The following SPIRE1 variants were observed in gnomAD, a reference collection of about 807,000 sequenced individuals.
SPIRE1 encodes the protein protein spire homolog 1.
Under a neutral mutation model 94.1 loss-of-function variants are expected in SPIRE1, and 40 were observed. The observed-to-expected ratio is 0.43, with a 90% CI of 0.33 to 0.55. The LOEUF is 0.55. SPIRE1 is among the 20% of genes least tolerant of loss of function. The pLI is 0.06. For missense variants in SPIRE1, 838 were observed against 975.2 expected, an observed-to-expected ratio of 0.86 and a Z score of 1.87; for synonymous variants, 376 against 371.7, an observed-to-expected ratio of 1.01 and a Z score of -0.13.
chr18:12,566,229 G>A (rs867424130), intron 2 of SPIRE1, among the ~76,000 whole-genome samples: 10 of 151,916 alleles, frequency 6.6e-5, no homozygotes, highest in African/African-American at 7.3e-5. Flanking sequence ...CCAGCTACAC[G>A]GGAGGCTGAG....
intron 2 of SPIRE1, among the ~76,000 whole-genome samples, chr18:12,623,307 C>G (rs2037528649): frequency 1.3e-5 from 2 of 152,060 alleles, no homozygotes; most frequent in Admixed American, 6.5e-5. Context: ...GCGCCCGCCA[C>G]CACGCCTGGC....
Position 12,574,966 on chromosome 18 carries a change from T to C in SPIRE1, c.373-28062A>G, listed in dbSNP as rs190636030. Among the ~76,000 whole-genome samples, 358 of 152,316 alleles carry C rather than the reference T, an allele frequency of 2.4e-3. 3 individuals are homozygous for C. The highest frequency in any genetic ancestry group is 0.014 in the South Asian group (67 of 4,824). On this transcript the variant is annotated intron_variant, in intron 2 of 16. Transcript: ENST00000409402. ...ACTGGATTCAGTAAGGTGGAGGTCA[T>C]TGGAGACTTTGGCAAGGGCAATCTG...
chr18:12,517,514 T>C (rs1016062925), intron 4 of SPIRE1, among the ~76,000 whole-genome samples: 3 of 152,256 alleles, frequency 2.0e-5, no homozygotes, highest in Non-Finnish European at 2.9e-5. Flanking sequence ...CTGTCAATTA[T>C]ACTTTAGCTT....
intron 2 of SPIRE1, among the ~76,000 whole-genome samples, chr18:12,554,364 C>T (rs1208126180): frequency 2.7e-5 from 4 of 147,008 alleles, no homozygotes; most frequent in African/African-American, 5.0e-5. Context: ...CTACTATGAA[C>T]AACTACATCC....
At chr18:12,633,776 C>A (rs1463100492) in intron 2 of SPIRE1, among the ~76,000 whole-genome samples, 1 of 152,054 alleles carries the variant, frequency 6.6e-6, no homozygotes. Context: ...TTTATTTGGG[C>A]ATTGCCACTA....
chr18:12,515,352 A>G (rs1176001599), intron 4 of SPIRE1, among the ~76,000 whole-genome samples: 1 of 151,814 alleles, frequency 6.6e-6, no homozygotes, highest in Non-Finnish European at 1.5e-5. Context: ...CTGTCTCTCC[A>G]AAAAAACCAA....
Position 12,657,986 on chromosome 18 carries a change from C to CCG in SPIRE1, c.-122_-121dup, listed in dbSNP as rs1450033692. ...CCGGAACCGCCGCCGCCCAACGCGGCCGCGCGCGCCGCCGCCGGGACCAGG... is the reference window on the plus strand; with the variant it reads ...CCGGAACCGCCGCCGCCCAACGCGGCCGCGCGCGCGCCGCCGCCGGGACCAGG... On this transcript the variant is annotated 5_prime_UTR_variant, in exon 1 of 17. Coordinates refer to ENST00000409402, the MANE Select transcript of SPIRE1 (RefSeq NM_001128626.2). 4 of 992,342 alleles carry CCG rather than the reference C, an allele frequency of 4.0e-6. No homozygotes were observed. The highest frequency in any genetic ancestry group is 4.8e-6 in the Non-Finnish European group (4 of 835,386). The allele number at this position is 992,342 out of a possible 1,614,324, so 61.5% of individuals were successfully genotyped here. A position where few individuals can be genotyped will look rare whatever the true frequency, so the allele number is the denominator to read the frequency against.
chr18:12,634,099 T>A (rs1177027116), intron 2 of SPIRE1, among the ~76,000 whole-genome samples: 2 of 151,594 alleles, frequency 1.3e-5, no homozygotes, highest in Non-Finnish European at 2.9e-5. Context: ...ATACAAAAAA[T>A]TAGCTGGGCG....
chr18:12,488,986 C>A (rs1011310162), intron 8 of SPIRE1, among the ~76,000 whole-genome samples: 4 of 152,042 alleles, frequency 2.6e-5, no homozygotes, highest in African/African-American at 4.8e-5. Context: ...GAGATTGAGA[C>A]CATCCTGGCT....
intron 4 of SPIRE1, among the ~76,000 whole-genome samples, chr18:12,520,049 CTAGT>C (rs1474573716): frequency 3.3e-5 from 5 of 151,990 alleles, no homozygotes; most frequent in South Asian, 4.1e-4. Flanking sequence ...CAATATAGGA[CTAGT>C]TAAACTCATT....
chr18:12,478,368 T>C (rs1044418015), intron 10 of SPIRE1, among the ~76,000 whole-genome samples: 14 of 145,344 alleles, frequency 9.6e-5, no homozygotes, highest in Non-Finnish European at 1.5e-5. Flanking sequence ...GAGGTGTGTA[T>C]GAAGCTAGAG....
intron 4 of SPIRE1, among the ~76,000 whole-genome samples, chr18:12,527,031 G>A (rs1422811931): frequency 6.6e-6 from 1 of 152,052 alleles, no homozygotes; most frequent in Non-Finnish European, 1.5e-5. Flanking sequence ...TAAATAACTT[G>A]CATGAATAAA....
chr18:12,607,326 A>G (rs1219871770), intron 2 of SPIRE1, among the ~76,000 whole-genome samples: 1 of 151,862 alleles, frequency 6.6e-6, no homozygotes, highest in Non-Finnish European at 1.5e-5. Flanking sequence ...TTCCAGTTTG[A>G]TTCTCTCCTA....
intron 2 of SPIRE1, among the ~76,000 whole-genome samples, chr18:12,589,466 T>C (rs922189619): frequency 2.0e-5 from 3 of 152,202 alleles, no homozygotes; most frequent in African/African-American, 4.8e-5. Flanking sequence ...ACTCTTTCTA[T>C]GACCTTTCCT....
chr18:12,595,315 T>TAATAAC (rs1049791962), intron 2 of SPIRE1, among the ~76,000 whole-genome samples: 4 of 151,788 alleles, frequency 2.6e-5, no homozygotes, highest in African/African-American at 7.3e-5. Context: ...ATAATAATAA[T>TAATAAC]AATAACAATA....
intron 2 of SPIRE1, among the ~76,000 whole-genome samples, chr18:12,620,247 G>A (rs555460975): frequency 1.6e-4 from 24 of 152,274 alleles, no homozygotes; most frequent in African/African-American, 5.1e-4. Flanking sequence ...TGTTAAATGC[G>A]ATAATAACCA....
intron 8 of SPIRE1, among the ~76,000 whole-genome samples, chr18:12,489,657 T>C (rs17615418): frequency 0.033 from 5,091 of 152,164 alleles, 125 homozygotes; most frequent in Admixed American, 0.078. Flanking sequence ...ATCAGGAAAA[T>C]AGGTAAATAA....
chr18:12,487,402 CTTTTT>C (rs35743856), intron 8 of SPIRE1, among the ~76,000 whole-genome samples: 167 of 132,684 alleles, frequency 1.3e-3, no homozygotes, highest in Non-Finnish European at 2.4e-3. Flanking sequence ...TATTTTCTTT[CTTTTT>C]TTTTTTTTTT....
At chr18:12,555,859 T>G (rs1029346272) in intron 2 of SPIRE1, among the ~76,000 whole-genome samples, 3 of 152,150 alleles carry the variant, frequency 2.0e-5, no homozygotes, top group African/African-American at 7.2e-5. Flanking sequence ...CCATTGAAAC[T>G]GAAAAGGAAG....
Sources: gnomAD v4.1 joint callset for allele counts (sites outside exome capture counted in the v4.1 genomes callset) on GRCh38, gnomAD v4.1.1 for gene constraint, MANE v1.5 for transcripts, NCBI Gene and HGNC (gene_info 2026-07-23, HGNC 2026-07-21) for gene names.